PPP2R2A: variants seen among roughly 807,000 people sequenced by gnomAD.
PPP2R2A encodes serine/threonine-protein phosphatase 2A 55 kDa regulatory subunit B alpha isoform.
Under a neutral mutation model 53.2 loss-of-function variants are expected in PPP2R2A, and 9 were observed. The ratio of observed to expected loss-of-function variants is 0.17; its 90% CI spans 0.10 to 0.30. PPP2R2A has a LOEUF of 0.30. PPP2R2A is among the 10% of genes least tolerant of loss of function. PPP2R2A has a pLI of 1.00. For synonymous variants in PPP2R2A, 169 were observed against 174.2 expected, an observed-to-expected ratio of 0.97 and a Z score of 0.23; for missense variants, 235 against 534.6, an observed-to-expected ratio of 0.44 and a Z score of 5.53.
At chr8:26,320,981 G>A (rs2117266144) in intron 2 of PPP2R2A, among the ~76,000 whole-genome samples, 1 of 152,254 alleles carries the variant, frequency 6.6e-6, no homozygotes, top group East Asian at 1.9e-4. Flanking sequence ...GGTTACCTAA[G>A]CCCATGTGTT....
At chr8:26,293,362 T>C (rs1801396737) in intron 1 of PPP2R2A, 1 of 1,261,284 alleles carries the variant, frequency 7.9e-7, no homozygotes. Context: ...TTTACTTTTT[T>C]TCTGGTAGGT....
chr8:26,363,621 C>G, intron 7 of PPP2R2A, 100 bp from the exon 8 acceptor site: 1 of 1,052,058 alleles, frequency 9.5e-7, no homozygotes, highest in South Asian at 2.6e-5. Flanking sequence ...CATTTTACCT[C>G]ACTTGTAGGG....
chr8:26,347,400 G>T (rs1012397764), intron 3 of PPP2R2A, among the ~76,000 whole-genome samples: 1 of 149,362 alleles, frequency 6.7e-6, no homozygotes. Context: ...GTGTGTCCAC[G>T]CGCATGTGCA....
intron 2 of PPP2R2A, among the ~76,000 whole-genome samples, chr8:26,299,967 A>G (rs1183865678): frequency 1.3e-5 from 2 of 152,238 alleles, no homozygotes; most frequent in African/African-American, 2.4e-5. Context: ...TCTTAACACT[A>G]GCATTACTAC....
chr8:26,336,249 C>A (rs757497114), intron 2 of PPP2R2A, among the ~76,000 whole-genome samples: 4 of 151,974 alleles, frequency 2.6e-5, no homozygotes, highest in African/African-American at 9.7e-5. Context: ...CATGGCAACA[C>A]CCTGTCTATA....
intron 2 of PPP2R2A, among the ~76,000 whole-genome samples, chr8:26,296,895 T>A (rs938418814): frequency 1.3e-5 from 2 of 152,180 alleles, no homozygotes; most frequent in African/African-American, 4.8e-5. Flanking sequence ...TATAACCAGA[T>A]TGATGTTATA....
intron 3 of PPP2R2A, among the ~76,000 whole-genome samples, chr8:26,344,488 G>T (rs1804108387): frequency 6.6e-6 from 1 of 152,158 alleles, no homozygotes; most frequent in Non-Finnish European, 1.5e-5. Flanking sequence ...AGGAAAGTAC[G>T]TGATCCTTAG....
At position 26,341,812 on chromosome 8, in the gene PPP2R2A, C is replaced by T. The variant is rs77794977; in HGVS notation, c.180+2825C>T. ...ATCTCCACCCACTCATTTTTATTGT[C>T]TTTACTTGGAAGAAGAAGAGATCAT... is the stretch of plus-strand genomic sequence containing the variant. On this transcript the variant is annotated intron_variant, in intron 3 of 9. Transcript: ENST00000380737. Among the ~76,000 whole-genome samples, 567 of 152,266 alleles carry T rather than the reference C, an allele frequency of 3.7e-3. 12 individuals carry two copies. Among genetic ancestry groups the T allele is most frequent in the Admixed American group, 0.026 (401 of 15,288 alleles).
At chr8:26,314,205 A>G (rs1420752097) in intron 2 of PPP2R2A, among the ~76,000 whole-genome samples, 2 of 152,146 alleles carry the variant, frequency 1.3e-5, no homozygotes, top group Non-Finnish European at 2.9e-5. Flanking sequence ...TGAATCTGTC[A>G]CTAAATCATC....
intron 3 of PPP2R2A, among the ~76,000 whole-genome samples, chr8:26,340,936 C>A (rs1427721816): frequency 6.6e-6 from 1 of 151,750 alleles, no homozygotes; most frequent in Admixed American, 6.6e-5. Context: ...TTTCTGAAAC[C>A]CCACTGAAGA....
intron 1 of PPP2R2A, chr8:26,293,198 A>C (rs1801385006): frequency 1.3e-6 from 2 of 1,529,104 alleles, no homozygotes; most frequent in Non-Finnish European, 1.8e-6. Flanking sequence ...CTGTGTGTGC[A>C]CTTTGGTGAT....
Position 26,360,154 on chromosome 8 carries a change from T to G in PPP2R2A, c.347-15T>G. 1 of 1,454,924 alleles carries G rather than the reference T, an allele frequency of 6.9e-7. No individual in the cohort carries two copies. The highest frequency in any genetic ancestry group is 2.3e-5 in the East Asian group (1 of 43,976). The allele number at this position is 1,454,924 out of a possible 1,614,324, so 90.1% of individuals were successfully genotyped here. On this transcript the variant is annotated splice_polypyrimidine_tract_variant and intron_variant, in intron 4 of 9. Transcript: ENST00000380737. This position sits in a 1 kb window ranked among gnomAD's most constrained non-coding sequence, Gnocchi z 4.5. ...TCTTCAGTATTTTAAGGACTTTTCT[T>G]TATTTTCTTCCCAGATAAAACAATA...
intron 2 of PPP2R2A, among the ~76,000 whole-genome samples, chr8:26,323,176 A>G (rs1802927758): frequency 6.6e-6 from 1 of 152,174 alleles, no homozygotes; most frequent in Non-Finnish European, 1.5e-5. Context: ...TGTGACTTTA[A>G]ATGTTTTCTC....
chr8:26,308,039 C>A (rs1044219238), intron 2 of PPP2R2A, among the ~76,000 whole-genome samples: 70 of 152,290 alleles, frequency 4.6e-4, no homozygotes, highest in African/African-American at 1.7e-3. Flanking sequence ...TTTTGGTTTC[C>A]CAGAGCATAT....
intron 2 of PPP2R2A, among the ~76,000 whole-genome samples, chr8:26,295,538 C>T (rs553640138): frequency 3.0e-4 from 46 of 152,222 alleles, no homozygotes; most frequent in African/African-American, 1.0e-3. Flanking sequence ...AACCTATTGA[C>T]GTGAAGTTAG....
intron 2 of PPP2R2A, among the ~76,000 whole-genome samples, chr8:26,320,088 C>G (rs1008806694): frequency 6.6e-6 from 1 of 152,150 alleles, no homozygotes; most frequent in Non-Finnish European, 1.5e-5. Context: ...CTTTCAACAC[C>G]TCACCTGGAA....
At chr8:26,305,499 A>C (rs371759852) in intron 2 of PPP2R2A, among the ~76,000 whole-genome samples, 33 of 152,136 alleles carry the variant, frequency 2.2e-4, no homozygotes, top group African/African-American at 8.0e-4. Context: ...CTCCTGTTTG[A>C]TTGAGTCTAC....
Position 26,292,836 on chromosome 8 carries a change from G to T in PPP2R2A, c.8-830G>T, listed in dbSNP as rs141332095. 4.4e-3 allele frequency among the ~76,000 whole-genome samples: 665 copies of T among 152,264 alleles called. 6 individuals carry two copies. The highest frequency in any genetic ancestry group is 0.036 in the South Asian group (173 of 4,830). Reference sequence around the variant, plus strand: ...ATCATTTCGACCTCAGTACTTGCACGTGAAATAGAAACATTCCGAGATGAG... The same window carrying T: ...ATCATTTCGACCTCAGTACTTGCACTTGAAATAGAAACATTCCGAGATGAG... On this transcript the variant is annotated intron_variant, in intron 1 of 9. Coordinates refer to ENST00000380737, the MANE Select transcript of PPP2R2A (RefSeq NM_002717.4).
intron 2 of PPP2R2A, among the ~76,000 whole-genome samples, chr8:26,330,621 A>G (rs1271131166): frequency 6.6e-6 from 1 of 152,168 alleles, no homozygotes; most frequent in African/African-American, 2.4e-5. Flanking sequence ...TGCCTGGGCC[A>G]TGATTTATTC....
Sources: gnomAD v4.1 joint callset for allele counts (sites outside exome capture counted in the v4.1 genomes callset) on GRCh38, gnomAD v4.1.1 for gene constraint, Gnocchi (gnomAD v3.1) non-coding constraint, MANE v1.5 for transcripts, NCBI Gene and HGNC (gene_info 2026-07-23, HGNC 2026-07-21) for gene names.